ESRRG: variants seen among roughly 807,000 people sequenced by gnomAD.
The protein encoded by ESRRG is estrogen related receptor gamma.
Under a neutral mutation model 44.0 loss-of-function variants are expected in ESRRG, and 13 were observed. The ratio of observed to expected loss-of-function variants is 0.30; its 90% confidence interval spans 0.19 to 0.47. ESRRG has a LOEUF of 0.47. Ranked by LOEUF, ESRRG falls within the 20% of genes least tolerant of loss-of-function variation. The pLI is 1.00. For synonymous variants in ESRRG, 215 were observed against 214.6 expected (o/e 1.00, Z -0.02); for missense variants, 395 against 580.6 (o/e 0.68, Z 3.29).
At chr1:216,837,491 G>C (rs749805908) in intron 2 of ESRRG, among the ~76,000 whole-genome samples, 3 of 152,072 alleles carry the variant, frequency 2.0e-5, no homozygotes, top group Admixed American at 6.5e-5. Flanking sequence ...AAATAAATGT[G>C]CTGATGTCTA....
intron 1 of ESRRG, among the ~76,000 whole-genome samples, chr1:216,686,439 C>CA (rs58718125): frequency 8.4e-4 from 90 of 107,044 alleles, no homozygotes; most frequent in Non-Finnish European, 1.0e-3. Flanking sequence ...TATTGTTAAC[C>CA]AAAAAAAAAA....
intron 2 of ESRRG, among the ~76,000 whole-genome samples, chr1:216,762,779 T>C (rs1284247367): frequency 1.3e-5 from 2 of 152,022 alleles, no homozygotes; most frequent in Non-Finnish European, 2.9e-5. Flanking sequence ...GGAGCATTTT[T>C]TTCTGCAACA....
chr1:216,568,680 T>C (rs758204261), intron 3 of ESRRG, among the ~76,000 whole-genome samples: 3 of 152,222 alleles, frequency 2.0e-5, no homozygotes, highest in Non-Finnish European at 4.4e-5. Flanking sequence ...GAATGTTATT[T>C]ACATTTTGGC....
At chr1:216,965,318 G>A (rs189434043) in intron 1 of ESRRG, among the ~76,000 whole-genome samples, 27 of 152,200 alleles carry the variant, frequency 1.8e-4, no homozygotes, top group Non-Finnish European at 2.9e-4. Context: ...GGTCCTGGAT[G>A]CCTATCAGCA....
chr1:216,589,091 G>A (rs1010305482), intron 3 of ESRRG, among the ~76,000 whole-genome samples: 2 of 152,178 alleles, frequency 1.3e-5, no homozygotes, highest in Non-Finnish European at 2.9e-5. Flanking sequence ...AAGATAAGAA[G>A]TATGGTTTTA....
intron 1 of ESRRG, among the ~76,000 whole-genome samples, chr1:216,944,307 A>G (rs1442233330): frequency 6.6e-6 from 1 of 152,200 alleles, no homozygotes; most frequent in Non-Finnish European, 1.5e-5. Context: ...GTTGGCCAAG[A>G]TCCTTGAGTC....
chr1:216,948,218 A>G (rs961121125), intron 1 of ESRRG, among the ~76,000 whole-genome samples: 12 of 152,150 alleles, frequency 7.9e-5, no homozygotes, highest in East Asian at 1.9e-4. Flanking sequence ...ACCAGCTACT[A>G]TGATAAATCT....
At chr1:216,750,690 A>G (rs1280156541) in intron 2 of ESRRG, among the ~76,000 whole-genome samples, 1 of 152,096 alleles carries the variant, frequency 6.6e-6, no homozygotes, top group Non-Finnish European at 1.5e-5. Context: ...TAATACATTG[A>G]TAGGCACCAG....
chr1:216,525,197 T>C (rs2047270622), intron 5 of ESRRG, among the ~76,000 whole-genome samples: 1 of 152,150 alleles, frequency 6.6e-6, no homozygotes. Flanking sequence ...TTTTGTTTTG[T>C]TTTGTTTTTT....
chr1:216,965,646 G>C (rs979839125), intron 1 of ESRRG, among the ~76,000 whole-genome samples: 5 of 152,144 alleles, frequency 3.3e-5, no homozygotes, highest in African/African-American at 1.2e-4. Context: ...TAGTCTATTA[G>C]ATACATTCCT....
At chr1:216,686,338 A>G (rs1039875733) in intron 1 of ESRRG, 1 of 150,780 alleles carries the variant, frequency 6.6e-6, no homozygotes, top group Non-Finnish European at 1.5e-5. Flanking sequence ...ACAAGCCACT[A>G]TTTGCAGGCA....
chr1:216,513,861 A>G (rs1040330691), intron 6 of ESRRG, among the ~76,000 whole-genome samples: 4 of 152,158 alleles, frequency 2.6e-5, no homozygotes, highest in Admixed American at 2.6e-4. Flanking sequence ...GTGAATGTTG[A>G]TATCAATTTG....
intron 3 of ESRRG, among the ~76,000 whole-genome samples, chr1:216,639,928 G>T (rs1337297852): frequency 6.6e-6 from 1 of 152,180 alleles, no homozygotes; most frequent in Admixed American, 6.5e-5. Flanking sequence ...CCTGTCAAAG[G>T]GCTCTGTAAT....
intron 2 of ESRRG, among the ~76,000 whole-genome samples, chr1:216,824,253 C>T (rs2095352252): frequency 6.6e-6 from 1 of 152,102 alleles, no homozygotes; most frequent in Non-Finnish European, 1.5e-5. Flanking sequence ...TTGAGACCAG[C>T]CTGACCAACA....
chr1:216,549,968 G>A (rs929571802), intron 5 of ESRRG, among the ~76,000 whole-genome samples: 1 of 152,056 alleles, frequency 6.6e-6, no homozygotes, highest in African/African-American at 2.4e-5. Flanking sequence ...TGTCATGTTG[G>A]CATCTGACTG....
intron 3 of ESRRG, among the ~76,000 whole-genome samples, chr1:216,575,714 CT>C (rs1332881903): frequency 6.6e-6 from 1 of 152,076 alleles, no homozygotes; most frequent in East Asian, 1.9e-4. Context: ...TATGTTTAAA[CT>C]GCTTCTCTGC....
intron 2 of ESRRG, among the ~76,000 whole-genome samples, chr1:216,798,873 A>G (rs1231852025): frequency 6.6e-6 from 1 of 152,136 alleles, no homozygotes; most frequent in Non-Finnish European, 1.5e-5. Flanking sequence ...AAGCATTTAA[A>G]CCACTGCTTG....
At chr1:216,930,577 A>G (rs2063202703) in intron 2 of ESRRG, among the ~76,000 whole-genome samples, 2 of 152,196 alleles carry the variant, frequency 1.3e-5, no homozygotes, top group Admixed American at 1.3e-4. Context: ...TGTGTTAAAG[A>G]CCTGGAAACT....
At chr1:216,792,426 GC>G (rs1005192011) in intron 2 of ESRRG, among the ~76,000 whole-genome samples, 9 of 152,166 alleles carry the variant, frequency 5.9e-5, no homozygotes, top group African/African-American at 2.2e-4. Flanking sequence ...GCAGGGGAAG[GC>G]CAGGGGAGAC....
Sources: allele counts gnomAD v4.1 joint callset (sites outside exome capture counted in the v4.1 genomes callset), GRCh38; gene constraint gnomAD v4.1.1; transcripts MANE v1.5; gene names NCBI Gene and HGNC (gene_info 2026-07-23, HGNC 2026-07-21).